The following PKHD1L1 variants were observed in gnomAD, a reference collection of about 807,000 sequenced individuals.
PKHD1L1 encodes the protein fibrocystin-L.
A neutral mutation model predicts 462.9 loss-of-function variants in PKHD1L1; 434 were observed. That is an observed-to-expected ratio of 0.94 (90% CI 0.87 to 1.02). The LOEUF is 1.02. Ranked by LOEUF, PKHD1L1 falls within the 50% of genes least tolerant of loss-of-function variation. The pLI, the probability that PKHD1L1 is intolerant of heterozygous loss-of-function variation, is 0.00. For missense variants in PKHD1L1, 5,202 were observed against 5,096.1 expected, an observed-to-expected ratio of 1.02 and a Z score of -0.63; for synonymous variants, 1,781 against 1,750.0, an observed-to-expected ratio of 1.02 and a Z score of -0.44.
At chr8:109,528,643 A>G (rs931863096) in intron 77 of PKHD1L1, among the ~76,000 whole-genome samples, 2 of 152,032 alleles carry the variant, frequency 1.3e-5, no homozygotes, top group Non-Finnish European at 2.9e-5. Context: ...TTCCCACTCT[A>G]CATTTAATTC....
chr8:109,449,312 T>C, intron 39 of PKHD1L1, 26 bp from the exon 40 acceptor site: 1 of 1,541,054 alleles, frequency 6.5e-7, no homozygotes. Context: ...TTAGCTTTGT[T>C]TTTCCTTTTT....
At chr8:109,402,120 C>A (rs959141019) in intron 14 of PKHD1L1, among the ~76,000 whole-genome samples, 11 of 152,210 alleles carry the variant, frequency 7.2e-5, no homozygotes, top group African/African-American at 2.6e-4. Flanking sequence ...GATTATCATC[C>A]AAATACCAGA....
intron 77 of PKHD1L1, among the ~76,000 whole-genome samples, chr8:109,528,400 C>T: frequency 6.6e-6 from 1 of 152,136 alleles, no homozygotes; most frequent in East Asian, 1.9e-4. Context: ...AATCTCAAAT[C>T]CTCAACTATT....
intron 51 of PKHD1L1, among the ~76,000 whole-genome samples, chr8:109,476,070 T>G (rs1817973578): frequency 6.6e-6 from 1 of 152,128 alleles, no homozygotes; most frequent in African/African-American, 2.4e-5. Context: ...ACTACACATT[T>G]GTGCAGCATT....
At position 109,444,790 on chromosome 8, in the gene PKHD1L1, G is replaced by A; in HGVS notation, c.4921G>A (p.Gly1641Ser). ...TGTCACTTTGACTGTCTACAACCTG[G>A]GCACTGCTATCAATACGTTGTCCAA... The part of the protein sequence containing the change: ...ETVTLTVYNL[G>S]TAINTLSNEF... The change falls in exon 38 of 78, where the codon GGC becomes AGC. Residue 1641 changes from glycine to serine, a missense_variant. Physicochemically the swap from Gly to Ser is moderately conservative, Grantham distance 56 (BLOSUM62 0). Coordinates refer to ENST00000378402, the MANE Select transcript of PKHD1L1 (RefSeq NM_177531.6). 3 of 1,613,968 alleles carry A rather than the reference G, an allele frequency of 1.9e-6. No individual in the cohort carries two copies. The highest frequency in any genetic ancestry group is 1.7e-6 in the Non-Finnish European group (2 of 1,179,896).
At chr8:109,368,209 T>C (rs1042472432) in intron 2 of PKHD1L1, among the ~76,000 whole-genome samples, 2 of 152,228 alleles carry the variant, frequency 1.3e-5, no homozygotes, top group Non-Finnish European at 2.9e-5. Flanking sequence ...ATTTTACTTT[T>C]GGCTCCTTTT....
chr8:109,383,245 C>T (rs1215011668), intron 4 of PKHD1L1, among the ~76,000 whole-genome samples: 2 of 75,750 alleles, frequency 2.6e-5, no homozygotes, highest in African/African-American at 4.7e-5. Flanking sequence ...TTATATATAA[C>T]ATATATAATA....
rs1413324051 is a variant in PKHD1L1 at position 109,533,561 on chromosome 8, G to T, written c.*3471G>T. 6.6e-6 allele frequency among the ~76,000 whole-genome samples: 1 copy of T among 152,152 alleles called. No individual in the cohort carries two copies. The highest frequency in any genetic ancestry group is 1.5e-5 in the Non-Finnish European group (1 of 68,032). On this transcript the variant is annotated 3_prime_UTR_variant, in exon 78 of 78. Coordinates refer to ENST00000378402, the MANE Select transcript of PKHD1L1 (RefSeq NM_177531.6). ...TGCAGTGAGACTGATCAATTTCTGT[G>T]CAGTGGGTTACAAAAACAGACATTA...
At chr8:109,487,054 A>G (rs1221980523) in intron 59 of PKHD1L1, among the ~76,000 whole-genome samples, 4 of 152,024 alleles carry the variant, frequency 2.6e-5, no homozygotes, top group Non-Finnish European at 5.9e-5. Context: ...ACCTTAGGTA[A>G]CAGTTAGACC....
At position 109,498,835 on chromosome 8, in the gene PKHD1L1, C is replaced by T. The variant is rs888373211; in HGVS notation, c.10828+64C>T. The T allele has an allele frequency of 3.0e-6, 4 of 1,315,272 alleles. No homozygotes were observed. In the South Asian group the frequency reaches 4.1e-5, roughly 13 times the overall value. 81.5% of individuals were successfully genotyped at this position (1,315,272 alleles called of 1,614,324 possible). On this transcript the variant is annotated intron_variant, in intron 67 of 77. Transcript: ENST00000378402. Reference sequence around the variant, plus strand: ...TCTGTAAAGAATATGTAGAGGATAACTAATAATGTTTCATTGTTAGTAAAA... The same window carrying T: ...TCTGTAAAGAATATGTAGAGGATAATTAATAATGTTTCATTGTTAGTAAAA...
intron 2 of PKHD1L1, among the ~76,000 whole-genome samples, chr8:109,379,841 T>A (rs1160919976): frequency 6.6e-6 from 1 of 152,136 alleles, no homozygotes; most frequent in Admixed American, 6.5e-5. Context: ...CTAGAGATAA[T>A]CAGTTCTAAT....
chr8:109,390,433 T>A lies in PKHD1L1; in HGVS notation c.698-19T>A. The A allele has an allele frequency of 7.3e-7, 1 of 1,366,168 alleles. No individual in the cohort carries two copies. Among genetic ancestry groups the A allele is most frequent in the Non-Finnish European group, 9.9e-7 (1 of 1,012,580 alleles). The allele number at this position is 1,366,168 out of a possible 1,614,324, so 84.6% of individuals were successfully genotyped here. A position where few individuals can be genotyped will look rare whatever the true frequency, so the allele number is the denominator to read the frequency against. ...GTGACTGGGAATTTAATTGATTGTG[T>A]ATTTTCATTAAATTCCAGGTCATCA... On this transcript the variant is annotated intron_variant, in intron 8 of 77. Transcript: ENST00000378402.
intron 67 of PKHD1L1, among the ~76,000 whole-genome samples, chr8:109,503,272 C>CCAGCCTGGGCTACAGAGACT (rs369687574): frequency 0.98 from 148,944 of 152,098 alleles, 72,937 homozygotes; most frequent in East Asian, 1. Flanking sequence ...ACCACTGGAC[C>CCAGCCTGGGCTACAGAGACT]CCATCTCAAA....
intron 52 of PKHD1L1, among the ~76,000 whole-genome samples, 168 bp downstream of exon 52, chr8:109,476,835 G>T (rs1818014317): frequency 6.6e-6 from 1 of 152,122 alleles, no homozygotes; most frequent in Non-Finnish European, 1.5e-5. Flanking sequence ...AAAAGGTTTT[G>T]AGTTGAATTA....
chr8:109,470,338 G>C, intron 50 of PKHD1L1: 4 of 1,525,958 alleles, frequency 2.6e-6, no homozygotes, highest in Non-Finnish European at 3.6e-6. Flanking sequence ...AGTTTGGAGA[G>C]AGAGTGAAGT....
At chr8:109,446,523 T>A (rs555150226) in intron 38 of PKHD1L1, among the ~76,000 whole-genome samples, 1 of 152,312 alleles carries the variant, frequency 6.6e-6, no homozygotes, top group African/African-American at 2.4e-5. Context: ...TCTTTTTAGG[T>A]TACATCACAG....
In PKHD1L1 at chr8:109,534,018, C is replaced by T. The variant is rs909399367; in HGVS notation, c.*3928C>T. On this transcript the variant is annotated 3_prime_UTR_variant, in exon 78 of 78. Coordinates refer to ENST00000378402, the MANE Select transcript of PKHD1L1 (RefSeq NM_177531.6). The stretch of plus-strand genomic sequence containing the variant: ...TTTGGTGGTTATCCTAAATCTCCTG[C>T]TTTCATCAGATGTCTGAGATGGCAA... 1.3e-5 allele frequency among the ~76,000 whole-genome samples: 2 copies of T among 152,342 alleles called. No individual in the cohort carries two copies. Among genetic ancestry groups the T allele is most frequent in the East Asian group, 3.9e-4 (2 of 5,184 alleles).
Position 109,477,290 on chromosome 8 carries a change from G to A in PKHD1L1, c.8983G>A (p.Asp2995Asn), listed in dbSNP as rs1261872553. ...TGGGAACCTGGATCCTGATGTGAAAGACGTTGTTATTAATTTCCAAGCTTA... is the reference window on the plus strand; with the variant it reads ...TGGGAACCTGGATCCTGATGTGAAAAACGTTGTTATTAATTTCCAAGCTTA... Reference protein sequence around the residue: ...ISGNLDPDVKDVVINFQAYCC... With the variant: ...ISGNLDPDVKNVVINFQAYCC... Residue 2995 changes from aspartate to asparagine, a missense_variant, in exon 53 of 78, where the codon GAC becomes AAC. Physicochemically the swap from Asp to Asn is conservative, Grantham distance 23. This residue lies in a region of PKHD1L1 where 4,497 missense variants were observed against 4,336.8 expected (regional missense o/e 1.04). Coordinates refer to ENST00000378402, the MANE Select transcript of PKHD1L1 (RefSeq NM_177531.6). 7 of 1,613,568 alleles carry A rather than the reference G, an allele frequency of 4.3e-6. No homozygotes were observed. In the East Asian group the frequency reaches 1.6e-4, roughly 36 times the overall value.
chr8:109,451,293 A>G (rs1259412914), intron 41 of PKHD1L1, 144 bp downstream of exon 41: 1 of 858,196 alleles, frequency 1.2e-6, no homozygotes, highest in Non-Finnish European at 1.7e-6. Context: ...AGGCAAAAAT[A>G]GTACTAATTG....
Sources: allele counts gnomAD v4.1 joint callset (sites outside exome capture counted in the v4.1 genomes callset), GRCh38; gene constraint gnomAD v4.1.1; regional missense constraint gnomAD v4.1.1; transcripts MANE v1.5; gene names NCBI Gene and HGNC (gene_info 2026-07-23, HGNC 2026-07-21).